The following DACH1 variants were observed in gnomAD, a reference collection of about 807,000 sequenced individuals.
The protein encoded by DACH1 is dachshund family transcription factor 1.
DACH1 carries 12 observed loss-of-function variants against 54.2 expected under a neutral mutation model. The ratio of observed to expected loss-of-function variants is 0.22; its 90% CI spans 0.14 to 0.36. The LOEUF (loss-of-function observed/expected upper bound fraction) is 0.36, where lower values mean the gene tolerates loss of function less well. Among genes scored for constraint, DACH1 ranks in the 10% least tolerant of loss-of-function variants. The pLI, the probability that DACH1 is intolerant of heterozygous loss-of-function variation, is 1.00. For missense variants in DACH1, 805 were observed against 929.8 expected (o/e 0.87, Z 1.75); for synonymous variants, 386 against 366.2 (o/e 1.05, Z -0.62).
intron 1 of DACH1, among the ~76,000 whole-genome samples, chr13:71,860,864 A>C (rs1874304551): frequency 6.6e-6 from 1 of 152,030 alleles, no homozygotes; most frequent in Non-Finnish European, 1.5e-5. Flanking sequence ...ACTTGGTTGC[A>C]CATTAAGCTA....
In DACH1 at chr13:71,651,922, T is replaced by A. The variant is rs137861880; in HGVS notation, c.965-21205A>T. Among the ~76,000 whole-genome samples, 741 of 152,308 alleles carry A rather than the reference T, an allele frequency of 4.9e-3. 5 individuals carry two copies. The highest frequency in any genetic ancestry group is 8.0e-3 in the Non-Finnish European group (546 of 68,020). ...ATGTATGTTTGTGACACAGACAGCA[T>A]GTCTTACTCAATACTTTATTCCAGC... On this transcript the variant is annotated intron_variant, in intron 2 of 10. Coordinates refer to ENST00000613252, the MANE Select transcript of DACH1 (RefSeq NM_080759.6).
chr13:71,462,871 T>TACACACACAC (rs374818301), intron 10 of DACH1, among the ~76,000 whole-genome samples: 8 of 102,794 alleles, frequency 7.8e-5, no homozygotes, highest in African/African-American at 2.4e-4. Context: ...TCTATCTATC[T>TACACACACAC]ACACACACAC....
Position 71,494,274 on chromosome 13 carries a change from T to C in DACH1, c.1571-5126A>G, listed in dbSNP as rs12867311. The stretch of plus-strand genomic sequence containing the variant: ...GATACTTTGAATTTTGATTTTTTTT[T>C]CCTGGGTTAGCAATATGCAATGGTA... On this transcript the variant is annotated intron_variant, in intron 6 of 10. Transcript: ENST00000613252. 7.5e-3 allele frequency among the ~76,000 whole-genome samples: 1,143 copies of C among 152,256 alleles called. 5 individuals are homozygous for C. Among genetic ancestry groups the C allele is most frequent in the Non-Finnish European group, 0.013 (870 of 68,004 alleles).
chr13:71,641,158 A>G (rs1036532732), intron 2 of DACH1, among the ~76,000 whole-genome samples: 1 of 152,114 alleles, frequency 6.6e-6, no homozygotes, highest in African/African-American at 2.4e-5. Flanking sequence ...CGTGGCCACA[A>G]AAGTCTTCTG....
chr13:71,537,158 C>T (rs1363217344), intron 6 of DACH1, among the ~76,000 whole-genome samples: 2 of 152,016 alleles, frequency 1.3e-5, no homozygotes, highest in Non-Finnish European at 2.9e-5. Flanking sequence ...GGATTCATGC[C>T]AGTTTCATCC....
intron 6 of DACH1, among the ~76,000 whole-genome samples, chr13:71,543,863 T>C (rs568471422): frequency 6.6e-6 from 1 of 152,256 alleles, no homozygotes; most frequent in South Asian, 2.1e-4. Context: ...AATAGACTAC[T>C]TCTGCTAAGA....
chr13:71,483,747 C>T (rs964519504), intron 7 of DACH1, among the ~76,000 whole-genome samples: 11 of 151,742 alleles, frequency 7.2e-5, no homozygotes. Flanking sequence ...GATGGTGGTC[C>T]CATAAGATTA....
At chr13:71,449,481 C>A (rs1874809277) in intron 10 of DACH1, among the ~76,000 whole-genome samples, 1 of 151,620 alleles carries the variant, frequency 6.6e-6, no homozygotes, top group African/African-American at 2.4e-5. Flanking sequence ...ACAATGAGAA[C>A]ACATGGACAC....
At chr13:71,630,768 T>C (rs1877038254) in intron 2 of DACH1, 51 bp from the exon 3 acceptor site, 2 of 1,502,984 alleles carry the variant, frequency 1.3e-6, no homozygotes, top group East Asian at 2.3e-5. Context: ...ATTTTTCATT[T>C]AATAGTTCCT....
At chr13:71,485,943 G>C (rs143376877) in intron 7 of DACH1, among the ~76,000 whole-genome samples, 8 of 151,238 alleles carry the variant, frequency 5.3e-5, no homozygotes, top group Non-Finnish European at 1.2e-4. Context: ...GTTAACAAAA[G>C]TCTGGTGCCC....
intron 1 of DACH1, among the ~76,000 whole-genome samples, chr13:71,755,459 C>G (rs1048720601): frequency 1.2e-4 from 19 of 152,104 alleles, no homozygotes; most frequent in African/African-American, 4.6e-4. Context: ...CTAGTTAAAT[C>G]TCTTCTTTCT....
At chr13:71,707,258 C>T (rs1882495708) in intron 1 of DACH1, among the ~76,000 whole-genome samples, 1 of 152,216 alleles carries the variant, frequency 6.6e-6, no homozygotes, top group African/African-American at 2.4e-5. Context: ...GAAGTCTCAG[C>T]AGGGCATGCA....
At chr13:71,513,219 G>A (rs1880913008) in intron 6 of DACH1, among the ~76,000 whole-genome samples, 1 of 151,900 alleles carries the variant, frequency 6.6e-6, no homozygotes, top group South Asian at 2.1e-4. Flanking sequence ...CATGCTCATT[G>A]TCATCTTGTT....
At chr13:71,743,896 A>G (rs551573380) in intron 1 of DACH1, among the ~76,000 whole-genome samples, 1 of 152,298 alleles carries the variant, frequency 6.6e-6, no homozygotes, top group East Asian at 1.9e-4. Context: ...TTGAAAGTCG[A>G]CTGATTTATA....
At chr13:71,553,647 A>ATAG (rs1355233457) in intron 6 of DACH1, among the ~76,000 whole-genome samples, 1 of 141,414 alleles carries the variant, frequency 7.1e-6, no homozygotes, top group African/African-American at 2.8e-5. Flanking sequence ...TATTTTATAT[A>ATAG]TATAGTATAT....
intron 4 of DACH1, among the ~76,000 whole-genome samples, chr13:71,560,905 A>T (rs1884542300): frequency 2.0e-5 from 3 of 152,318 alleles, no homozygotes; most frequent in Admixed American, 2.0e-4. Context: ...GTGGAAGAAA[A>T]CTATATAAAG....
At position 71,633,507 on chromosome 13, in the gene DACH1, C is replaced by T. The variant is rs571894866; in HGVS notation, c.965-2790G>A. On this transcript the variant is annotated intron_variant, in intron 2 of 10. Coordinates refer to ENST00000613252, the MANE Select transcript of DACH1 (RefSeq NM_080759.6). ...TATTCTTTATGATTTTATTATTTAG[C>T]TGATTTATTTATAGTACTCCTTTAT... Among the ~76,000 whole-genome samples, 5 of 152,116 alleles carry T rather than the reference C, an allele frequency of 3.3e-5. No homozygotes were observed. The South Asian group carries it at 6.2e-4, about 19-fold the overall frequency.
At chr13:71,848,603 C>T (rs1198873060) in intron 1 of DACH1, among the ~76,000 whole-genome samples, 1 of 151,792 alleles carries the variant, frequency 6.6e-6, no homozygotes, top group Non-Finnish European at 1.5e-5. Flanking sequence ...AGTGCAGTGG[C>T]ATTATCACAG....
At chr13:71,848,215 A>AG (rs1566540925) in intron 1 of DACH1, among the ~76,000 whole-genome samples, 3 of 62,294 alleles carry the variant, frequency 4.8e-5, no homozygotes, top group Non-Finnish European at 7.6e-5. Flanking sequence ...ATCCCCCCCC[A>AG]AAAAAATGGT....
Sources: allele counts gnomAD v4.1 joint callset (sites outside exome capture counted in the v4.1 genomes callset), GRCh38; gene constraint gnomAD v4.1.1; transcripts MANE v1.5; gene names NCBI Gene and HGNC (gene_info 2026-07-23, HGNC 2026-07-21).